Variants in VWA8 observed in about 807,000 individuals in gnomAD.
VWA8 encodes the protein von Willebrand factor A domain-containing protein 8.
Under a neutral mutation model 241.5 loss-of-function variants are expected in VWA8, and 221 were observed. That is an observed-to-expected ratio of 0.91 (90% CI 0.82 to 1.02). The LOEUF is 1.02. VWA8 is among the 50% of genes least tolerant of loss of function. VWA8 has a pLI of 0.00. For synonymous variants in VWA8, 852 were observed against 827.1 expected, an observed-to-expected ratio of 1.03 and a Z score of -0.52; for missense variants, 2,322 against 2,328.7, an observed-to-expected ratio of 1.00 and a Z score of 0.06.
chr13:41,684,964 A>T, intron 35 of VWA8, 83 bp downstream of exon 35: 1 of 1,206,254 alleles, frequency 8.3e-7, no homozygotes, highest in Non-Finnish European at 1.2e-6. Flanking sequence ...ATGAAATGAT[A>T]AAGATAAATT....
chr13:41,606,477 T>C (rs2044554452), intron 39 of VWA8, among the ~76,000 whole-genome samples: 1 of 152,136 alleles, frequency 6.6e-6, no homozygotes. Flanking sequence ...GGTACTGATA[T>C]TAGGACAAGG....
intron 2 of VWA8, among the ~76,000 whole-genome samples, chr13:41,922,449 T>C (rs981568546): frequency 6.6e-6 from 1 of 152,178 alleles, no homozygotes; most frequent in African/African-American, 2.4e-5. Flanking sequence ...CTAATTAAAC[T>C]AAATACCTTC....
At chr13:41,941,381 C>T (rs539276393) in intron 2 of VWA8, among the ~76,000 whole-genome samples, 3 of 152,264 alleles carry the variant, frequency 2.0e-5, no homozygotes, top group South Asian at 2.1e-4. Flanking sequence ...CTCTGTTGAA[C>T]GCTATCAGGC....
chr13:41,830,631 T>G lies in VWA8; in HGVS notation c.1598A>C (p.Asp533Ala). ...TLAVLQRLIH[D>A]RELSLYDGSR... Reference sequence around the variant, plus strand: ...ACCATCATAGAGGCTTAGCTCTCGATCATGGATTAACCTAACAAGATAAGA... The same window carrying G: ...ACCATCATAGAGGCTTAGCTCTCGAGCATGGATTAACCTAACAAGATAAGA... Residue 533 changes from aspartate to alanine, a missense_variant, in exon 14 of 45, where the codon GAT (aspartate) becomes GCT (alanine). Transcript: ENST00000379310. 6.2e-7 allele frequency: 1 copy of G among 1,613,420 alleles called. No individual in the cohort carries two copies. Among genetic ancestry groups the G allele is most frequent in the Non-Finnish European group, 8.5e-7 (1 of 1,179,572 alleles).
At chr13:41,868,178 T>C (rs115882155) in intron 10 of VWA8, among the ~76,000 whole-genome samples, 168 bp downstream of exon 10, 1,585 of 152,288 alleles carry the variant, frequency 0.01, 31 homozygotes, top group African/African-American at 0.037. Flanking sequence ...CTCCTGAACT[T>C]TTCCAGTTTA....
At chr13:41,635,005 G>A (rs890534025) in intron 37 of VWA8, among the ~76,000 whole-genome samples, 6 of 151,462 alleles carry the variant, frequency 4.0e-5, no homozygotes, top group African/African-American at 1.5e-4. Flanking sequence ...AACTGGTGAA[G>A]TAGTTTTGGC....
chr13:41,820,688 T>C (rs1870914849), intron 14 of VWA8, among the ~76,000 whole-genome samples: 1 of 152,190 alleles, frequency 6.6e-6, no homozygotes, highest in South Asian at 2.1e-4. Context: ...GAGGGAAGGA[T>C]AACAACATGG....
At chr13:41,753,728 A>G (rs2045672437) in intron 21 of VWA8, among the ~76,000 whole-genome samples, 1 of 152,186 alleles carries the variant, frequency 6.6e-6, no homozygotes. Flanking sequence ...TTACTTATCA[A>G]TACTATGTTT....
At chr13:41,909,079 G>C (rs1480092671) in intron 3 of VWA8, among the ~76,000 whole-genome samples, 1 of 146,264 alleles carries the variant, frequency 6.8e-6, no homozygotes, top group East Asian at 2.0e-4. Flanking sequence ...TTTTGAGATA[G>C]TCTCACTCTG....
chr13:41,580,261 G>C (rs957998626), intron 42 of VWA8, among the ~76,000 whole-genome samples: 5 of 152,058 alleles, frequency 3.3e-5, no homozygotes, highest in Non-Finnish European at 5.9e-5. Context: ...ATCCACAATT[G>C]AATCAATTCT....
intron 22 of VWA8, among the ~76,000 whole-genome samples, chr13:41,731,076 T>TA (rs1246581285): frequency 1.3e-5 from 2 of 150,852 alleles, no homozygotes; most frequent in Non-Finnish European, 3.0e-5. Flanking sequence ...ATTTTAGGAT[T>TA]AAAAAAACTG....
intron 4 of VWA8, among the ~76,000 whole-genome samples, chr13:41,895,173 A>G (rs1038829587): frequency 9.2e-5 from 14 of 152,166 alleles, no homozygotes; most frequent in African/African-American, 2.9e-4. Flanking sequence ...CTACAAGTTT[A>G]TAACTGATAC....
At chr13:41,931,392 CAT>C (rs2138140911) in intron 2 of VWA8, among the ~76,000 whole-genome samples, 1 of 141,176 alleles carries the variant, frequency 7.1e-6, no homozygotes, top group Admixed American at 7.2e-5. Context: ...AGAAAAAAAA[CAT>C]TGGTTACCAG....
At chr13:41,922,896 A>T (rs1876626394) in intron 2 of VWA8, among the ~76,000 whole-genome samples, 1 of 152,238 alleles carries the variant, frequency 6.6e-6, no homozygotes, top group Non-Finnish European at 1.5e-5. Context: ...AAGGATCTAG[A>T]ACTAGAAATA....
chr13:41,719,390 T>C lies in VWA8; in HGVS notation c.3116+201A>G, dbSNP rs145862399. On this transcript the variant is annotated intron_variant, in intron 26 of 44. Coordinates refer to ENST00000379310, the MANE Select transcript of VWA8 (RefSeq NM_015058.2). ...ATTACATCTACTCATGGGACATACA[T>C]AATAATCAAAATTTTCAATTTACAG... 1,656 of 1,403,638 alleles carry C rather than the reference T, an allele frequency of 1.2e-3. 26 individuals carry two copies. In the Admixed American group the frequency reaches 0.035, roughly 30 times the overall value. The allele number at this position is 1,403,638 out of a possible 1,614,324, so 86.9% of individuals were successfully genotyped here.
chr13:41,936,911 T>TTAGATGCATCCATGCATCTAATGCATA, intron 2 of VWA8, among the ~76,000 whole-genome samples: 1 of 152,166 alleles, frequency 6.6e-6, no homozygotes, highest in Non-Finnish European at 1.5e-5. Context: ...GGATTGCATA[T>TTAGATGCATCCATGCATCTAATGCATA]TAGATGATGG....
rs1187065549 is a variant in VWA8, at chr13:41,577,491, T to C, written c.5272-1653A>G. Among the ~76,000 whole-genome samples, 5 of 152,192 alleles carry C rather than the reference T, an allele frequency of 3.3e-5. No individual in the cohort carries two copies. In the East Asian group the frequency reaches 5.8e-4, roughly 18 times the overall value. ...GGATAGGAAATTTCTGGCTTCGGCATAGGCTTGACTAAAGTCATCCATGGG... is the reference window on the plus strand; with the variant it reads ...GGATAGGAAATTTCTGGCTTCGGCACAGGCTTGACTAAAGTCATCCATGGG... On this transcript the variant is annotated intron_variant, in intron 42 of 44. Coordinates refer to ENST00000379310, the MANE Select transcript of VWA8 (RefSeq NM_015058.2).
chr13:41,901,028 A>C (rs1875400279), intron 4 of VWA8, among the ~76,000 whole-genome samples: 1 of 152,122 alleles, frequency 6.6e-6, no homozygotes, highest in East Asian at 1.9e-4. Flanking sequence ...AACTTTGGGC[A>C]CACAGTAAAC....
At chr13:41,829,141 C>T (rs1030464444) in intron 14 of VWA8, among the ~76,000 whole-genome samples, 7 of 152,108 alleles carry the variant, frequency 4.6e-5, no homozygotes, top group Admixed American at 1.3e-4. Flanking sequence ...TCTTATAAAA[C>T]ATTTAAATGC....
Sources: allele counts gnomAD v4.1 joint callset (sites outside exome capture counted in the v4.1 genomes callset), GRCh38; gene constraint gnomAD v4.1.1; transcripts MANE v1.5; gene names NCBI Gene and HGNC (gene_info 2026-07-23, HGNC 2026-07-21).